PPP1R16A: variants seen among roughly 807,000 people sequenced by gnomAD.
PPP1R16A encodes myosin phosphatase-targeting subunit 3.
PPP1R16A carries 39 observed loss-of-function variants against 46.6 expected under a neutral mutation model. That is an observed-to-expected ratio of 0.84 (90% CI 0.65 to 1.09). The LOEUF (loss-of-function observed/expected upper bound fraction) is 1.09, where lower values mean the gene tolerates loss of function less well. Among genes scored for constraint, PPP1R16A ranks in the 50% least tolerant of loss-of-function variants. The pLI is 0.00. For synonymous variants in PPP1R16A, 413 were observed against 321.5 expected (o/e 1.28, Z -3.04); for missense variants, 798 against 735.6 (o/e 1.08, Z -0.98).
chr8:144,500,400 TG>T lies in PPP1R16A; in HGVS notation c.705+15del, dbSNP rs747718326. On this transcript the variant is annotated intron_variant, in intron 7 of 11. Transcript: ENST00000435887. ...ACCACGGGGCCACGCTGGTGAGGGC[TG>T]GGGGGTGAGGGGCACACGGGGCTGG... The T allele has an allele frequency of 3.2e-5, 48 of 1,512,400 alleles. No individual in the cohort carries two copies. The highest frequency in any genetic ancestry group is 2.4e-5 in the South Asian group (2 of 82,248). 93.7% of individuals were successfully genotyped at this position (1,512,400 alleles called of 1,614,324 possible). A position where few individuals can be genotyped will look rare whatever the true frequency, so the allele number is the denominator to read the frequency against.
chr8:144,497,489 A>G, intron 3 of PPP1R16A, 36 bp downstream of exon 3: 3 of 1,579,078 alleles, frequency 1.9e-6, no homozygotes, highest in Non-Finnish European at 2.6e-6. Flanking sequence ...CTCCCAGCAG[A>G]CGGCCCACTC....
At chr8:144,486,123 T>C (rs946185639) in intron 1 of PPP1R16A, among the ~76,000 whole-genome samples, 3 of 152,188 alleles carry the variant, frequency 2.0e-5, no homozygotes, top group Non-Finnish European at 4.4e-5. Flanking sequence ...CCATGAACAT[T>C]TATGTAGTTT....
At chr8:144,488,001 G>A (rs533040290) in intron 1 of PPP1R16A, among the ~76,000 whole-genome samples, 3 of 152,216 alleles carry the variant, frequency 2.0e-5, no homozygotes, top group Admixed American at 2.0e-4. Flanking sequence ...TAAAGATATG[G>A]TTGTGGTTTA....
At chr8:144,486,571 C>T (rs930643196) in intron 1 of PPP1R16A, among the ~76,000 whole-genome samples, 1 of 152,188 alleles carries the variant, frequency 6.6e-6, no homozygotes, top group Non-Finnish European at 1.5e-5. Flanking sequence ...AGCGGTATCT[C>T]GCTGTGGCTC....
intron 1 of PPP1R16A, among the ~76,000 whole-genome samples, chr8:144,486,346 C>T (rs189754254): frequency 2.0e-5 from 3 of 152,216 alleles, no homozygotes; most frequent in East Asian, 1.9e-4. Context: ...GGATTACAGG[C>T]GTGAGCCACC....
chr8:144,502,058 G>A lies in PPP1R16A; in HGVS notation c.*155G>A, dbSNP rs558718614. 8 of 686,374 alleles carry A rather than the reference G, an allele frequency of 1.2e-5. No homozygotes were observed. Among genetic ancestry groups the A allele is most frequent in the Non-Finnish European group, 1.8e-5 (8 of 438,284 alleles). The allele number at this position is 686,374 out of a possible 1,614,324, so 42.5% of individuals were successfully genotyped here. A position where few individuals can be genotyped will look rare whatever the true frequency, so the allele number is the denominator to read the frequency against. ...TCAGGTCAGAAGACATGCCTGGAGG[G>A]ATGTCTGGCTGCAAAGACTATTTTT... On this transcript the variant is annotated 3_prime_UTR_variant, in exon 12 of 12. Transcript: ENST00000435887.
intron 1 of PPP1R16A, among the ~76,000 whole-genome samples, chr8:144,489,420 G>T (rs934211485): frequency 5.3e-5 from 8 of 149,578 alleles, no homozygotes; most frequent in Non-Finnish European, 1.0e-4. Context: ...CTGGGAGGGG[G>T]TGAGCTGCAC....
chr8:144,485,038 A>G (rs537381117), intron 1 of PPP1R16A, among the ~76,000 whole-genome samples: 1 of 151,728 alleles, frequency 6.6e-6, no homozygotes, highest in East Asian at 2.0e-4. Flanking sequence ...GCCGAGGCAG[A>G]ATGAAGAATC....
chr8:144,496,614 GGCT>G lies in PPP1R16A; in HGVS notation c.-578_-576del, dbSNP rs1375131426. The G allele has an allele frequency of 6.9e-5, 11 of 160,102 alleles. No individual in the cohort carries two copies. The highest frequency in any genetic ancestry group is 6.3e-4 in the Admixed American group (11 of 17,350). The allele number at this position is 160,102 out of a possible 1,614,324, so 9.9% of individuals were successfully genotyped here. A position where few individuals can be genotyped will look rare whatever the true frequency, so the allele number is the denominator to read the frequency against. The stretch of plus-strand genomic sequence containing the variant: ...CTACCTGCCCTCCCCCAGCCTCAGC[GGCT>G]GCACCTCCTCGTTAGTACTGATGCA... On this transcript the variant is annotated 5_prime_UTR_variant, in exon 3 of 12. Transcript: ENST00000435887.
chr8:144,481,268 T>C (rs1049252903), intron 1 of PPP1R16A, among the ~76,000 whole-genome samples: 6 of 152,162 alleles, frequency 3.9e-5, no homozygotes, highest in Non-Finnish European at 7.4e-5. Context: ...CTCGTGCTCC[T>C]CTGTGGTAAG....
chr8:144,494,162 G>A (rs1292273792), intron 2 of PPP1R16A, among the ~76,000 whole-genome samples: 1 of 152,010 alleles, frequency 6.6e-6, no homozygotes, highest in African/African-American at 2.4e-5. Flanking sequence ...AATTGAGATG[G>A]GGTCTCGCTG....
intron 2 of PPP1R16A, among the ~76,000 whole-genome samples, chr8:144,492,669 G>A (rs1446934521): frequency 1.3e-5 from 2 of 152,016 alleles, no homozygotes; most frequent in African/African-American, 2.4e-5. Flanking sequence ...CCTTACTGAG[G>A]TGCACCGTAC....
At position 144,497,005 on chromosome 8, in the gene PPP1R16A, GC is replaced by G; in HGVS notation, c.-184del. On this transcript the variant is annotated 5_prime_UTR_variant, in exon 3 of 12. It removes the in-frame stop codon of an upstream open reading frame in the 5' UTR. Transcript: ENST00000435887. Reference sequence around the variant, plus strand: ...CACTGCCCTCCCTGCCCCGGCCCATGCCCCCCAGGGCTGCCTGGGCCTGGTT... The same window carrying G: ...CACTGCCCTCCCTGCCCCGGCCCATGCCCCCAGGGCTGCCTGGGCCTGGTT... 2.8e-6 allele frequency: 2 copies of G among 724,702 alleles called. No individual in the cohort carries two copies. Among genetic ancestry groups the G allele is most frequent in the East Asian group, 5.4e-5 (2 of 36,724 alleles). The allele number at this position is 724,702 out of a possible 1,614,324, so 44.9% of individuals were successfully genotyped here. A position where few individuals can be genotyped will look rare whatever the true frequency, so the allele number is the denominator to read the frequency against.
In PPP1R16A at chr8:144,478,112, CG is replaced by C. The variant is rs1273729298; in HGVS notation, c.-927del. The stretch of plus-strand genomic sequence containing the variant: ...CCAGCGGACCCACTTGTGCGGCGGT[CG>C]GCGCGGGGCGCGAGGTGAGGCGCGG... On this transcript the variant is annotated 5_prime_UTR_variant, in exon 1 of 12. It removes the in-frame stop codon of an upstream open reading frame in the 5' UTR. Transcript: ENST00000435887. The C allele has an allele frequency of 5.1e-6, 2 of 395,456 alleles. No individual in the cohort carries two copies. The highest frequency in any genetic ancestry group is 8.9e-6 in the Non-Finnish European group (2 of 223,956). The allele number at this position is 395,456 out of a possible 1,614,324, so 24.5% of individuals were successfully genotyped here.
chr8:144,497,767 C>T (rs570135486), intron 3 of PPP1R16A: 499 of 483,582 alleles, frequency 1.0e-3, no homozygotes, highest in African/African-American at 7.5e-3. Flanking sequence ...AAACCTAGTG[C>T]GGGGCCCCAC....
intron 1 of PPP1R16A, among the ~76,000 whole-genome samples, chr8:144,484,779 C>T (rs993958485): frequency 2.0e-5 from 3 of 152,212 alleles, no homozygotes; most frequent in Non-Finnish European, 4.4e-5. Context: ...ATCTCCTGTC[C>T]CGGGCTGGAA....
At position 144,500,620 on chromosome 8, in the gene PPP1R16A, C is replaced by T; in HGVS notation, c.831+8C>T. Reference sequence around the variant, plus strand: ...GCGGCCTACTGGGGCCAGGTGAGTGCGGGCGGGAGCAGGTGGGAGGGGGCT... The same window carrying T: ...GCGGCCTACTGGGGCCAGGTGAGTGTGGGCGGGAGCAGGTGGGAGGGGGCT... On this transcript the variant is annotated splice_region_variant and intron_variant, in intron 8 of 11. Transcript: ENST00000435887. The T allele has an allele frequency of 1.9e-6, 3 of 1,601,844 alleles. No individual in the cohort carries two copies. The highest frequency in any genetic ancestry group is 2.5e-6 in the Non-Finnish European group (3 of 1,178,982).
chr8:144,501,540 C>G lies in PPP1R16A; in HGVS notation c.1224C>G (p.Val408=). Reference sequence around the variant, plus strand: ...CGCAGGAGGACAACCCCGAAGTGGTCAGGCCGCACAATGGCCGAGTAGGGG... The same window carrying G: ...CGCAGGAGGACAACCCCGAAGTGGTGAGGCCGCACAATGGCCGAGTAGGGG... ...PPPEEDNPEV[V]RPHNGRVGGS... The change falls in exon 12 of 12, where the codon GTC becomes GTG. Residue 408 remains valine, a synonymous_variant. Transcript: ENST00000435887. The G allele has an allele frequency of 1.3e-6, 2 of 1,575,820 alleles. No individual in the cohort carries two copies. The highest frequency in any genetic ancestry group is 1.7e-6 in the Non-Finnish European group (2 of 1,161,180).
chr8:144,487,595 C>G (rs1361340572), intron 1 of PPP1R16A, among the ~76,000 whole-genome samples: 2 of 152,144 alleles, frequency 1.3e-5, no homozygotes, highest in African/African-American at 4.8e-5. Flanking sequence ...GCCTTGAATC[C>G]CTGGGCTCAA....
Sources: gnomAD v4.1 joint callset for allele counts (sites outside exome capture counted in the v4.1 genomes callset) on GRCh38, gnomAD v4.1.1 for gene constraint, MANE v1.5 for transcripts, NCBI Gene and HGNC (gene_info 2026-07-23, HGNC 2026-07-21) for gene names.